TAFA2: variants seen among roughly 807,000 people sequenced by gnomAD.
TAFA2 encodes TAFA chemokine like family member 2.
Under a neutral mutation model 18.8 loss-of-function variants are expected in TAFA2, and 7 were observed. That is an observed-to-expected ratio of 0.37 (90% CI 0.21 to 0.70). TAFA2 has a LOEUF of 0.70. Ranked by LOEUF, TAFA2 falls within the 30% of genes least tolerant of loss-of-function variation. The pLI is 0.53. For missense variants in TAFA2, 122 were observed against 158.1 expected, an observed-to-expected ratio of 0.77 and a Z score of 1.23; for synonymous variants, 60 against 54.2, an observed-to-expected ratio of 1.11 and a Z score of -0.47.
At chr12:61,735,124 C>G (rs1868282231) in intron 4 of TAFA2, among the ~76,000 whole-genome samples, 1 of 152,050 alleles carries the variant, frequency 6.6e-6, no homozygotes, top group South Asian at 2.1e-4. Flanking sequence ...CAGGCACTAA[C>G]ACAAGCAGGA....
Position 62,175,558 on chromosome 12 carries a change from C to T in TAFA2, c.-2+15701G>A, listed in dbSNP as rs192892276. 6.1e-3 allele frequency among the ~76,000 whole-genome samples: 924 copies of T among 152,080 alleles called. 6 individuals are homozygous for T. Among genetic ancestry groups the T allele is most frequent in the African/African-American group, 0.021 (855 of 41,490 alleles). On this transcript the variant is annotated intron_variant, in intron 1 of 4. Transcript: ENST00000416284. ...GCTATTGTATAGCTATAATAAGCTC[C>T]TTTTATACCATATTTTCACTTTGCC...
intron 1 of TAFA2, among the ~76,000 whole-genome samples, chr12:61,967,323 G>C (rs369536271): frequency 6.6e-6 from 1 of 151,834 alleles, no homozygotes; most frequent in Non-Finnish European, 1.5e-5. Flanking sequence ...AGTAATGACA[G>C]AGGCTGGGAA....
chr12:62,027,970 G>A (rs1437621966), intron 1 of TAFA2, among the ~76,000 whole-genome samples: 1 of 152,046 alleles, frequency 6.6e-6, no homozygotes, highest in Non-Finnish European at 1.5e-5. Context: ...ACTAGCCTTC[G>A]TTTTCTATGT....
chr12:62,065,688 G>A (rs1279930042), intron 1 of TAFA2, among the ~76,000 whole-genome samples: 1 of 151,786 alleles, frequency 6.6e-6, no homozygotes, highest in African/African-American at 2.4e-5. Flanking sequence ...AACTGTGTAT[G>A]CTGATAAAAA....
chr12:61,755,279 G>A (rs1270989247), intron 2 of TAFA2, among the ~76,000 whole-genome samples: 7 of 152,108 alleles, frequency 4.6e-5, no homozygotes, highest in African/African-American at 1.7e-4. Flanking sequence ...TTAAAAGTCT[G>A]ATACAGAAGC....
At chr12:62,188,834 T>C (rs958042094) in intron 1 of TAFA2, among the ~76,000 whole-genome samples, 10 of 152,184 alleles carry the variant, frequency 6.6e-5, no homozygotes, top group Non-Finnish European at 1.3e-4. Flanking sequence ...AAAAACATAT[T>C]TTTACAGCCA....
At chr12:61,881,904 C>T (rs1316199817) in intron 1 of TAFA2, among the ~76,000 whole-genome samples, 1 of 151,404 alleles carries the variant, frequency 6.6e-6, no homozygotes, top group Non-Finnish European at 1.5e-5. Flanking sequence ...ACTGTGTAAA[C>T]TCTGACTTGA....
intron 1 of TAFA2, among the ~76,000 whole-genome samples, chr12:62,058,958 C>T (rs1225067580): frequency 2.0e-5 from 3 of 152,032 alleles, no homozygotes; most frequent in African/African-American, 7.2e-5. Flanking sequence ...AAAAAATTAG[C>T]CTGGCGTGGT....
chr12:61,956,572 C>T (rs1878701935), intron 1 of TAFA2, among the ~76,000 whole-genome samples: 2 of 145,090 alleles, frequency 1.4e-5, no homozygotes, highest in Admixed American at 6.9e-5. Flanking sequence ...CACAGAAAAA[C>T]AGATGGTGTT....
chr12:61,940,475 G>A (rs1173726403), intron 1 of TAFA2, among the ~76,000 whole-genome samples: 3 of 152,220 alleles, frequency 2.0e-5, no homozygotes, highest in Non-Finnish European at 4.4e-5. Context: ...AAGACAGTGA[G>A]GGCTGAAAAC....
chr12:61,728,950 C>T (rs893654821), intron 4 of TAFA2, among the ~76,000 whole-genome samples: 2 of 151,912 alleles, frequency 1.3e-5, no homozygotes, highest in African/African-American at 4.8e-5. Flanking sequence ...AGCAAATTCT[C>T]TCAGCATTTG....
chr12:62,088,008 G>A (rs952174371), intron 1 of TAFA2, among the ~76,000 whole-genome samples: 2 of 152,042 alleles, frequency 1.3e-5, no homozygotes, highest in African/African-American at 2.4e-5. Context: ...CCAGTGCCCT[G>A]TATGGTTAGT....
intron 4 of TAFA2, among the ~76,000 whole-genome samples, chr12:61,731,242 C>A (rs538347765): frequency 2.7e-4 from 41 of 152,102 alleles, no homozygotes; most frequent in Non-Finnish European, 5.7e-4. Flanking sequence ...TTTACCCCTC[C>A]AAACTTGGGT....
intron 1 of TAFA2, among the ~76,000 whole-genome samples, chr12:62,069,543 A>G (rs56654223): frequency 0.018 from 2,810 of 152,304 alleles, 77 homozygotes; most frequent in African/African-American, 0.063. Flanking sequence ...CCAATGGTAC[A>G]TGAAAAATGG....
At chr12:61,831,199 G>A (rs1400644704) in intron 2 of TAFA2, among the ~76,000 whole-genome samples, 1 of 152,002 alleles carries the variant, frequency 6.6e-6, no homozygotes, top group African/African-American at 2.4e-5. Flanking sequence ...TGCTTGGTAT[G>A]TAAAGATTTG....
At chr12:62,201,399 G>T (rs1344215115) in intron 1 of TAFA2, among the ~76,000 whole-genome samples, 1 of 152,146 alleles carries the variant, frequency 6.6e-6, no homozygotes, top group African/African-American at 2.4e-5. Flanking sequence ...TTTTTATTTT[G>T]AGGTATGTTC....
chr12:62,176,674 A>G (rs1227964430), intron 1 of TAFA2, among the ~76,000 whole-genome samples: 1 of 152,256 alleles, frequency 6.6e-6, no homozygotes, highest in African/African-American at 2.4e-5. Context: ...GGAGAATCAT[A>G]GAAATGCATT....
intron 1 of TAFA2, among the ~76,000 whole-genome samples, chr12:62,135,511 C>T (rs150734284): frequency 1.5e-4 from 23 of 152,028 alleles, no homozygotes; most frequent in Admixed American, 3.9e-4. Context: ...GTTACTATTA[C>T]AAGGTTGAAA....
intron 2 of TAFA2, among the ~76,000 whole-genome samples, chr12:61,791,299 G>T (rs548545963): frequency 1.3e-5 from 2 of 151,680 alleles, no homozygotes; most frequent in East Asian, 1.9e-4. Context: ...GACTGGGCAA[G>T]AATTTTTTTA....
Sources: gnomAD v4.1 joint callset for allele counts (sites outside exome capture counted in the v4.1 genomes callset) on GRCh38, gnomAD v4.1.1 for gene constraint, MANE v1.5 for transcripts, NCBI Gene and HGNC (gene_info 2026-07-23, HGNC 2026-07-21) for gene names.